The following NHS variants were observed in gnomAD, a reference collection of about 807,000 sequenced individuals.
NHS encodes actin remodeling regulator NHS.
In NHS, 5 loss-of-function variants were observed where a neutral mutation model predicts 72.5. That is an observed-to-expected ratio of 0.07 (90% confidence interval 0.04 to 0.14). The LOEUF (loss-of-function observed/expected upper bound fraction) is 0.14. Among genes scored for constraint, NHS ranks in the 10% least tolerant of loss-of-function variants. The pLI is 1.00. For missense variants in NHS, 1,072 were observed against 1,355.7 expected, an observed-to-expected ratio of 0.79 and a Z score of 3.29; for synonymous variants, 464 against 547.7, an observed-to-expected ratio of 0.85 and a Z score of 2.13.
At chrX:17,683,987 T>C (rs1307606075) in intron 1 of NHS, among the ~76,000 whole-genome samples, 1 of 111,881 alleles carries the variant, frequency 8.9e-6, no homozygotes, top group Admixed American at 9.4e-5. Flanking sequence ...TGGGAGGCAA[T>C]TGAATCATGG....
intron 1 of NHS, among the ~76,000 whole-genome samples, chrX:17,612,955 A>G (rs1296978610): frequency 9.0e-6 from 1 of 111,361 alleles, no homozygotes; most frequent in East Asian, 2.8e-4. Flanking sequence ...CCTGTGTGTG[A>G]TAGGTATGCT....
intron 8 of NHS, among the ~76,000 whole-genome samples, chrX:17,730,904 T>C (rs1441037025): frequency 8.9e-6 from 1 of 111,789 alleles, no homozygotes; most frequent in Non-Finnish European, 1.9e-5. Context: ...TAGGAAGCTA[T>C]AGGAAATGAT....
Position 17,731,722 on chromosome X carries a change from T to C in NHS, c.4350-136T>C, listed in dbSNP as rs767712236. ...ATCTTACTTTTCATCTCTATAGCCC[T>C]AATGCTTAGTATCCCATCATATAGG... is the stretch of plus-strand genomic sequence containing the variant. On this transcript the variant is annotated intron_variant, in intron 8 of 8. Transcript: ENST00000676302. The C allele has an allele frequency of 1.6e-5, 13 of 792,979 alleles. No homozygotes were observed. In the African/African-American group the frequency reaches 2.7e-4, roughly 17 times the overall value. The allele number at this position is 792,979 out of a possible 1,213,427, so 65.4% of individuals were successfully genotyped here.
intron 3 of NHS, among the ~76,000 whole-genome samples, chrX:17,707,160 A>C (rs1394862649): frequency 9.0e-6 from 1 of 111,176 alleles, no homozygotes; most frequent in Non-Finnish European, 1.9e-5. Context: ...TTTCCTCTCC[A>C]AGCCTCATCA....
chrX:17,723,770 T>TGTGTGCGCGCGC (rs541219770), intron 5 of NHS, among the ~76,000 whole-genome samples: 6 of 91,315 alleles, frequency 6.6e-5, no homozygotes, highest in African/African-American at 2.0e-4. Flanking sequence ...TGTGTGTGTG[T>TGTGTGCGCGCGC]GCGCGCGCGT....
At chrX:17,687,994 A>G in intron 2 of NHS, 100 bp downstream of exon 2, 1 of 945,343 alleles carries the variant, frequency 1.1e-6, no homozygotes, top group Non-Finnish European at 1.5e-6. Context: ...CCCCCTTATT[A>G]TAGCAAGTAC....
At chrX:17,547,559 C>A (rs2065299898) in intron 1 of NHS, among the ~76,000 whole-genome samples, 1 of 112,264 alleles carries the variant, frequency 8.9e-6, no homozygotes, top group African/African-American at 3.2e-5. Flanking sequence ...CCCATACAGT[C>A]CTGATTTTAT....
intron 1 of NHS, among the ~76,000 whole-genome samples, chrX:17,452,973 T>G (rs1037669221): frequency 1.8e-4 from 20 of 111,882 alleles, no homozygotes; most frequent in African/African-American, 6.5e-4. Flanking sequence ...GTTGGAAAAA[T>G]CCACAAGCCT....
At chrX:17,487,746 C>T (rs1216657899) in intron 1 of NHS, among the ~76,000 whole-genome samples, 1 of 111,708 alleles carries the variant, frequency 9.0e-6, no homozygotes, top group Non-Finnish European at 1.9e-5. Context: ...AAGGCTGTAT[C>T]TCCTGAACTC....
At chrX:17,436,009 A>C (rs771229308) in intron 1 of NHS, among the ~76,000 whole-genome samples, 24 of 112,175 alleles carry the variant, frequency 2.1e-4, no homozygotes, top group Non-Finnish European at 3.6e-4. Flanking sequence ...GCCTGTGCCC[A>C]CCTAAGAGGA....
At chrX:17,571,421 TA>T (rs1569284679) in intron 1 of NHS, among the ~76,000 whole-genome samples, 1 of 112,587 alleles carries the variant, frequency 8.9e-6, no homozygotes, top group East Asian at 2.8e-4. Context: ...TACAGGAATT[TA>T]TCAATTTCTT....
At chrX:17,416,630 G>A (rs2064596795) in intron 1 of NHS, among the ~76,000 whole-genome samples, 1 of 112,200 alleles carries the variant, frequency 8.9e-6, no homozygotes, top group African/African-American at 3.2e-5. Context: ...GTAATCAAAT[G>A]TTACATGCCT....
chrX:17,416,344 T>A (rs1168855747), intron 1 of NHS, among the ~76,000 whole-genome samples: 2 of 112,087 alleles, frequency 1.8e-5, no homozygotes, highest in African/African-American at 3.2e-5. Flanking sequence ...TACACTTCCC[T>A]GCTTCCCCTG....
At chrX:17,669,812 G>A (rs1296333735) in intron 1 of NHS, among the ~76,000 whole-genome samples, 1 of 111,815 alleles carries the variant, frequency 8.9e-6, no homozygotes, top group Non-Finnish European at 1.9e-5. Context: ...GAGCTTTTGG[G>A]GACCTATTCA....
intron 1 of NHS, among the ~76,000 whole-genome samples, chrX:17,519,377 G>A (rs1190332358): frequency 8.9e-6 from 1 of 112,269 alleles, no homozygotes; most frequent in African/African-American, 3.2e-5. Flanking sequence ...AAGTGTTTAT[G>A]ATGAAACCAA....
At position 17,687,786 on chromosome X, in the gene NHS, C is replaced by T. The variant is rs746772731; in HGVS notation, c.610C>T (p.Arg204Cys). 1.2e-5 allele frequency: 14 copies of T among 1,210,155 alleles called. No individual in the cohort carries two copies. The Admixed American group carries it at 2.2e-4, about 19-fold the overall frequency. ...AGAGAGTAAGCTGAGTGTGTACTAC[C>T]GCGCCCCGTGGCACCAGCAGCGCAA... ...DIESKLSVYY[R>C]APWHQQRNIF... Residue 204 changes from arginine to cysteine, a missense_variant, in exon 2 of 9, where the codon CGC (arginine) becomes TGC (cysteine). Physicochemically the swap from Arg to Cys is radical, Grantham distance 180. Coordinates refer to ENST00000676302, the MANE Select transcript of NHS (RefSeq NM_001291867.2).
At chrX:17,519,924 T>A (rs770961290) in intron 1 of NHS, among the ~76,000 whole-genome samples, 2 of 110,615 alleles carry the variant, frequency 1.8e-5, no homozygotes, top group Non-Finnish European at 3.8e-5. Flanking sequence ...AATCTCTCAA[T>A]TCCCAACATA....
chrX:17,539,058 T>C (rs756757717), intron 1 of NHS, among the ~76,000 whole-genome samples: 47 of 112,513 alleles, frequency 4.2e-4, no homozygotes, highest in Admixed American at 1.9e-4. Flanking sequence ...ATGACACCTC[T>C]ACCATTTTTC....
At chrX:17,431,543 C>T (rs1302981078) in intron 1 of NHS, among the ~76,000 whole-genome samples, 2 of 111,326 alleles carry the variant, frequency 1.8e-5, no homozygotes, top group Non-Finnish European at 3.8e-5. Context: ...TATGCTTTTT[C>T]CTAAACTCAA....
Sources: allele counts gnomAD v4.1 joint callset (sites outside exome capture counted in the v4.1 genomes callset), GRCh38; gene constraint gnomAD v4.1.1; transcripts MANE v1.5; gene names NCBI Gene and HGNC (gene_info 2026-07-23, HGNC 2026-07-21).